Variants in PPP2R2B observed in about 807,000 individuals in gnomAD.
The protein encoded by PPP2R2B is protein phosphatase 2 regulatory subunit Bbeta, also known as serine/threonine-protein phosphatase 2A 55 kDa regulatory subunit B beta isoform.
In PPP2R2B, 5 loss-of-function variants were observed where a neutral mutation model predicts 46.0. The ratio of observed to expected loss-of-function variants is 0.11; its 90% CI spans 0.06 to 0.23. PPP2R2B has a LOEUF of 0.23. PPP2R2B is among the 10% of genes least tolerant of loss of function. The pLI is 1.00. For synonymous variants in PPP2R2B, 215 were observed against 206.7 expected (o/e 1.04, Z -0.34); for missense variants, 367 against 575.0 (o/e 0.64, Z 3.70).
At chr5:146,835,939 C>T (rs1475526159) in intron 2 of PPP2R2B, among the ~76,000 whole-genome samples, 2 of 152,130 alleles carry the variant, frequency 1.3e-5, no homozygotes, top group Non-Finnish European at 2.9e-5. Context: ...CCGATTTAAG[C>T]TATGGGACCA....
chr5:147,022,657 A>G (rs1755337464), intron 1 of PPP2R2B, among the ~76,000 whole-genome samples: 1 of 152,140 alleles, frequency 6.6e-6, no homozygotes, highest in Non-Finnish European at 1.5e-5. Flanking sequence ...TTTCTAAGGA[A>G]CATCATAATA....
intron 5 of PPP2R2B, among the ~76,000 whole-genome samples, chr5:146,657,000 T>C (rs1776376537): frequency 6.6e-6 from 1 of 152,204 alleles, no homozygotes; most frequent in Non-Finnish European, 1.5e-5. Context: ...ACAAAATGAA[T>C]GTTGCTGTCA....
Position 147,055,881 on chromosome 5 carries a change from G to A in PPP2R2B, c.-138C>T, listed in dbSNP as rs143340082. 2.4e-3 allele frequency: 3,513 copies of A among 1,454,514 alleles called. 7 individuals carry two copies. Among genetic ancestry groups the A allele is most frequent in the East Asian group, 5.0e-3 (200 of 40,194 alleles). 90.1% of individuals were successfully genotyped at this position (1,454,514 alleles called of 1,614,324 possible). A position where few individuals can be genotyped will look rare whatever the true frequency, so the allele number is the denominator to read the frequency against. On this transcript the variant is annotated 5_prime_UTR_variant, in exon 1 of 9. Coordinates refer to the PPP2R2B transcript ENST00000336640. Reference sequence around the variant, plus strand: ...CCAGATTTGCAAAGCTGGGGTGCCCGAGGAATAACTGGAGATGGGTCCCAT... The same window carrying A: ...CCAGATTTGCAAAGCTGGGGTGCCCAAGGAATAACTGGAGATGGGTCCCAT...
intron 2 of PPP2R2B, among the ~76,000 whole-genome samples, chr5:146,735,575 G>A (rs1332646911): frequency 6.6e-6 from 1 of 151,996 alleles, no homozygotes; most frequent in Non-Finnish European, 1.5e-5. Context: ...AATTGGATGG[G>A]GGAAAAAAAG....
At chr5:147,007,475 G>A (rs1460759487) in intron 1 of PPP2R2B, among the ~76,000 whole-genome samples, 1 of 152,158 alleles carries the variant, frequency 6.6e-6, no homozygotes, top group African/African-American at 2.4e-5. Flanking sequence ...TCAGCTCTCT[G>A]TAAAATGGAC....
chr5:146,712,815 G>A (rs903787488), intron 2 of PPP2R2B, among the ~76,000 whole-genome samples: 44 of 152,130 alleles, frequency 2.9e-4, no homozygotes, highest in African/African-American at 1.0e-3. Context: ...GAGTAGCTGT[G>A]TTCCCCTGCT....
chr5:147,031,290 G>T (rs1755770379), intron 1 of PPP2R2B, among the ~76,000 whole-genome samples: 1 of 152,096 alleles, frequency 6.6e-6, no homozygotes, highest in Admixed American at 6.5e-5. Context: ...ATTAGATAGA[G>T]CATTCAAGAG....
intron 5 of PPP2R2B, among the ~76,000 whole-genome samples, chr5:146,666,127 T>C (rs3096437): frequency 0.94 from 143,314 of 152,248 alleles, 67,815 homozygotes; most frequent in East Asian, 1. Context: ...TCATAGCTTA[T>C]CTATGCTTTA....
intron 2 of PPP2R2B, among the ~76,000 whole-genome samples, chr5:146,850,205 G>C (rs1760259293): frequency 6.6e-6 from 1 of 152,094 alleles, no homozygotes; most frequent in African/African-American, 2.4e-5. Context: ...TTTATGCAGG[G>C]ACTGCTTCAC....
intron 1 of PPP2R2B, chr5:146,919,949 T>C (rs1309134472): frequency 6.7e-6 from 1 of 148,816 alleles, no homozygotes; most frequent in Non-Finnish European, 1.5e-5. Context: ...TGCCTCTTAA[T>C]AGTTGTGTAA....
intron 8 of PPP2R2B, among the ~76,000 whole-genome samples, chr5:146,595,922 G>A (rs1046707117): frequency 1.3e-5 from 2 of 152,136 alleles, no homozygotes; most frequent in African/African-American, 2.4e-5. Context: ...TTATTTGTGG[G>A]AGTCCAGTGT....
intron 1 of PPP2R2B, among the ~76,000 whole-genome samples, chr5:146,993,586 G>C (rs1469836625): frequency 6.6e-6 from 1 of 152,082 alleles, no homozygotes; most frequent in Non-Finnish European, 1.5e-5. Context: ...TAAGCTTCAG[G>C]ATACCAGTTT....
Position 146,765,364 on chromosome 5 carries a change from T to C in PPP2R2B, c.71-64222A>G, listed in dbSNP as rs77225318. 7.4e-3 allele frequency among the ~76,000 whole-genome samples: 1,132 copies of C among 152,322 alleles called. 33 individuals carry two copies. Among genetic ancestry groups the C allele is most frequent in the East Asian group, 0.071 (368 of 5,162 alleles). On this transcript the variant is annotated intron_variant, in intron 2 of 9. Transcript: ENST00000394411. ...TTACCATTCTGGTAAGAAAGTTTCA[T>C]AAGGGCTTTAACAACATATGAGAAA...
intron 1 of PPP2R2B, among the ~76,000 whole-genome samples, chr5:146,998,481 G>A (rs562796683): frequency 1.3e-5 from 2 of 152,240 alleles, no homozygotes; most frequent in East Asian, 3.9e-4. Context: ...CTAAATAAGG[G>A]GGCTTTATTG....
intron 1 of PPP2R2B, among the ~76,000 whole-genome samples, chr5:146,910,574 T>C (rs1582406689): frequency 6.6e-6 from 1 of 152,176 alleles, no homozygotes; most frequent in South Asian, 2.1e-4. Flanking sequence ...GTGATGGTAA[T>C]AGCAACCTTC....
chr5:147,056,882 C>T (rs1757104102), upstream of PPP2R2B, among the ~76,000 whole-genome samples: 1 of 152,270 alleles, frequency 6.6e-6, no homozygotes, highest in Middle Eastern at 3.4e-3. Flanking sequence ...GTCAAAGACA[C>T]TATTGTATAT....
At chr5:146,915,151 T>C (rs1461895408) in intron 1 of PPP2R2B, among the ~76,000 whole-genome samples, 1 of 152,172 alleles carries the variant, frequency 6.6e-6, no homozygotes, top group East Asian at 1.9e-4. Flanking sequence ...CATCTGGGCT[T>C]GGTAACAGCC....
intron 2 of PPP2R2B, among the ~76,000 whole-genome samples, chr5:146,704,056 A>C (rs1198789005): frequency 6.6e-6 from 1 of 152,168 alleles, no homozygotes; most frequent in East Asian, 1.9e-4. Context: ...CTTGTTTTGA[A>C]CTTTCATGTT....
intron 2 of PPP2R2B, among the ~76,000 whole-genome samples, chr5:146,847,651 G>T (rs1249530799): frequency 1.3e-5 from 2 of 152,114 alleles, no homozygotes; most frequent in African/African-American, 4.8e-5. Context: ...CCACAATTCT[G>T]CCACTGAATC....
Sources: gnomAD v4.1 joint callset for allele counts (sites outside exome capture counted in the v4.1 genomes callset) on GRCh38, gnomAD v4.1.1 for gene constraint, MANE v1.5 for transcripts, NCBI Gene and HGNC (gene_info 2026-07-23, HGNC 2026-07-21) for gene names.